SH3YL1: variants seen among roughly 807,000 people sequenced by gnomAD.
SH3YL1 encodes the protein SH3 and SYLF domain containing 1.
In SH3YL1, 41 loss-of-function variants were observed where a neutral mutation model predicts 45.8. That is an observed-to-expected ratio of 0.89 (90% CI 0.70 to 1.16). The LOEUF is 1.16. SH3YL1 is among the 50% of genes most tolerant of loss of function. The pLI is 0.00. For missense variants in SH3YL1, 389 were observed against 409.6 expected (o/e 0.95, Z 0.43); for synonymous variants, 152 against 151.4 (o/e 1.00, Z -0.03).
intron 4 of SH3YL1, chr2:242,811 G>A (rs763018753): frequency 1.3e-6 from 2 of 1,535,098 alleles, no homozygotes; most frequent in South Asian, 1.2e-5. Flanking sequence ...TAGATTGACA[G>A]TAAAAGGATG....
At chr2:247,029 T>A (rs1668846028) in intron 4 of SH3YL1, among the ~76,000 whole-genome samples, 1 of 152,212 alleles carries the variant, frequency 6.6e-6, no homozygotes, top group African/African-American at 2.4e-5. Context: ...GAGGCCTCTG[T>A]GAGTGTGCAT....
chr2:251,594 C>A (rs1056015718), intron 2 of SH3YL1, among the ~76,000 whole-genome samples: 2 of 152,126 alleles, frequency 1.3e-5, no homozygotes, highest in Non-Finnish European at 2.9e-5. Context: ...TTTCTTTAAG[C>A]TCTAAAGCAG....
At chr2:244,348 T>C (rs1242505308) in intron 4 of SH3YL1, among the ~76,000 whole-genome samples, 1 of 151,868 alleles carries the variant, frequency 6.6e-6, no homozygotes, top group Non-Finnish European at 1.5e-5. Context: ...TACAAAAAAT[T>C]AGCCGAGCAT....
intron 4 of SH3YL1, among the ~76,000 whole-genome samples, chr2:239,394 T>C (rs1023941480): frequency 6.6e-6 from 1 of 152,154 alleles, no homozygotes; most frequent in African/African-American, 2.4e-5. Flanking sequence ...AATGTAACAT[T>C]TTTGCAGCAC....
intron 8 of SH3YL1, 140 bp downstream of exon 8, chr2:229,826 G>T: frequency 1.7e-6 from 1 of 592,538 alleles, no homozygotes; most frequent in South Asian, 2.5e-5. Context: ...TTTAGAAGAG[G>T]CTGAGCACTT....
intron 9 of SH3YL1, among the ~76,000 whole-genome samples, chr2:224,266 G>A (rs551439999): frequency 6.6e-6 from 1 of 152,292 alleles, no homozygotes; most frequent in East Asian, 1.9e-4. Context: ...AAGACAGATT[G>A]AAGGACCATT....
intron 9 of SH3YL1, among the ~76,000 whole-genome samples, chr2:223,484 C>G (rs986725337): frequency 1.1e-4 from 16 of 152,130 alleles, no homozygotes; most frequent in Admixed American, 2.6e-4. Flanking sequence ...AACCAGATAC[C>G]TAAGTCTAAG....
intron 1 of SH3YL1, among the ~76,000 whole-genome samples, chr2:254,586 T>C (rs1381103475): frequency 1.3e-5 from 2 of 152,180 alleles, no homozygotes; most frequent in Non-Finnish European, 1.5e-5. Context: ...TAATGGAAGC[T>C]TGCTTTTGTA....
chr2:228,083 G>T (rs1283536831), intron 8 of SH3YL1, among the ~76,000 whole-genome samples: 1 of 152,122 alleles, frequency 6.6e-6, no homozygotes, highest in Non-Finnish European at 1.5e-5. Context: ...TGATGGTATC[G>T]CATGGAAAAA....
chr2:232,818 C>CA, intron 6 of SH3YL1: 3 of 188,546 alleles, frequency 1.6e-5, no homozygotes, highest in Non-Finnish European at 2.1e-5. Context: ...TATGGCAAAA[C>CA]AAAAAAAATT....
chr2:235,378 C>G (rs1178607148), intron 4 of SH3YL1, among the ~76,000 whole-genome samples: 6 of 99,756 alleles, frequency 6.0e-5, no homozygotes, highest in African/African-American at 1.3e-4. Context: ...GGGGAGGCAG[C>G]AGCATGGGCC....
intron 1 of SH3YL1, among the ~76,000 whole-genome samples, chr2:258,375 G>C (rs1340208208): frequency 6.6e-6 from 1 of 152,082 alleles, no homozygotes; most frequent in East Asian, 1.9e-4. Flanking sequence ...CACCTCCTTG[G>C]TTAGCTGTAT....
chr2:262,004 C>G (rs1203455676), intron 1 of SH3YL1, among the ~76,000 whole-genome samples: 1 of 152,142 alleles, frequency 6.6e-6, no homozygotes, highest in African/African-American at 2.4e-5. Context: ...AAAATTCCAT[C>G]TAAGATCAAA....
intron 4 of SH3YL1, among the ~76,000 whole-genome samples, chr2:238,227 A>G (rs1391648037): frequency 6.7e-6 from 1 of 150,094 alleles, no homozygotes; most frequent in Non-Finnish European, 1.5e-5. Context: ...TAAAAGCCTC[A>G]CTACATGGGG....
chr2:258,032 A>G (rs1382614420), intron 1 of SH3YL1, among the ~76,000 whole-genome samples: 1 of 152,254 alleles, frequency 6.6e-6, no homozygotes, highest in South Asian at 2.1e-4. Flanking sequence ...TTGTACCATT[A>G]CCATGCTGTT....
At position 233,090 on chromosome 2, in the gene SH3YL1, C is replaced by T; in HGVS notation, c.533+11G>A. On this transcript the variant is annotated intron_variant, in intron 6 of 9. Coordinates refer to ENST00000356150, the MANE Select transcript of SH3YL1 (RefSeq NM_015677.4). ...ACACTTTCAATTAAAATCACTTTAACTTGAACTGACTTTCTATTAGTTTCT... is the reference window on the plus strand; with the variant it reads ...ACACTTTCAATTAAAATCACTTTAATTTGAACTGACTTTCTATTAGTTTCT... The T allele has an allele frequency of 1.3e-6, 2 of 1,547,294 alleles. No individual in the cohort carries two copies. The highest frequency in any genetic ancestry group is 1.7e-6 in the Non-Finnish European group (2 of 1,145,178).
Position 234,259 on chromosome 2 carries a change from A to G in SH3YL1, c.305T>C (p.Val102Ala), listed in dbSNP as rs569620634. 9 of 1,612,260 alleles carry G rather than the reference A, an allele frequency of 5.6e-6. No homozygotes were observed. In the South Asian group the frequency reaches 9.9e-5, roughly 18 times the overall value. The change falls in exon 5 of 10, where the codon GTG becomes GCG. Residue 102 changes from valine (V) to alanine (A), a missense_variant. Coordinates refer to ENST00000356150, the MANE Select transcript of SH3YL1 (RefSeq NM_015677.4). Reference protein sequence around the residue: ...FEIGIEVSDLVIILNYDRAVE... With the variant: ...FEIGIEVSDLAIILNYDRAVE... ...AGCACGGTCATAATTCAGAATTATC[A>G]CCAAGTCTGATACCTAAAGTGTAGA...
chr2:227,066 G>A (rs3791220), intron 8 of SH3YL1, among the ~76,000 whole-genome samples: 45,850 of 151,092 alleles, frequency 0.3, 7,181 homozygotes, highest in Non-Finnish European at 0.35. Flanking sequence ...TGCCTATGGC[G>A]GGAAGCAACT....
chr2:249,662 G>T, intron 3 of SH3YL1, 69 bp downstream of exon 3: 1 of 1,130,324 alleles, frequency 8.8e-7, no homozygotes, highest in Non-Finnish European at 1.3e-6. Context: ...GCTATGCAAT[G>T]TGTTCACATG....
Sources: allele counts gnomAD v4.1 joint callset (sites outside exome capture counted in the v4.1 genomes callset), GRCh38; gene constraint gnomAD v4.1.1; transcripts MANE v1.5; gene names NCBI Gene and HGNC (gene_info 2026-07-23, HGNC 2026-07-21).